The following IPPK variants were observed in gnomAD, a reference collection of about 807,000 sequenced individuals.
The protein encoded by IPPK is IPK1 homolog.
IPPK carries 22 observed loss-of-function variants against 64.6 expected under a neutral mutation model. That is an observed-to-expected ratio of 0.34 (90% CI 0.24 to 0.49). The LOEUF is 0.49. Ranked by LOEUF, IPPK falls within the 20% of genes least tolerant of loss-of-function variation. The pLI is 0.99. For missense variants in IPPK, 532 were observed against 630.7 expected, an observed-to-expected ratio of 0.84 and a Z score of 1.68; for synonymous variants, 262 against 247.2, an observed-to-expected ratio of 1.06 and a Z score of -0.56.
chr9:92,618,460 C>A (rs781488367), intron 12 of IPPK: 13 of 456,616 alleles, frequency 2.8e-5, no homozygotes, highest in South Asian at 2.0e-4. Context: ...CCTTCAGCGG[C>A]CTTTCACAGC....
Position 92,634,495 on chromosome 9 carries a change from A to G in IPPK, c.1068-7T>C, listed in dbSNP as rs1445410582. ...ATCTATTTGTAAGGTTTTTCTGAAG[A>G]AGAAAGCACAATAAAAACAGGATGA... On this transcript the variant is annotated splice_polypyrimidine_tract_variant and splice_region_variant and intron_variant, in intron 10 of 12. Coordinates refer to ENST00000287996, the MANE Select transcript of IPPK (RefSeq NM_022755.6). 9 of 1,600,214 alleles carry G rather than the reference A, an allele frequency of 5.6e-6. No homozygotes were observed. In the Middle Eastern group the frequency reaches 8.3e-4, roughly 147 times the overall value.
chr9:92,648,894 G>A (rs1393139750), intron 5 of IPPK, among the ~76,000 whole-genome samples: 2 of 152,242 alleles, frequency 1.3e-5, no homozygotes, highest in African/African-American at 4.8e-5. Context: ...TGGCACCAGA[G>A]AAATTCAGGA....
chr9:92,619,297 T>C (rs984563389), intron 12 of IPPK, 189 bp downstream of exon 12: 9 of 571,552 alleles, frequency 1.6e-5, no homozygotes, highest in East Asian at 2.8e-5. Context: ...ATCTGTCTTT[T>C]GACTGAATTA....
intron 11 of IPPK, among the ~76,000 whole-genome samples, chr9:92,631,246 A>G (rs1295045449): frequency 1.4e-5 from 2 of 140,488 alleles, no homozygotes; most frequent in South Asian, 2.2e-4. Flanking sequence ...CCCAGGCTGG[A>G]GTGCAGTGGT....
intron 1 of IPPK, among the ~76,000 whole-genome samples, chr9:92,665,682 C>T (rs2131466624): frequency 6.6e-6 from 1 of 152,250 alleles, no homozygotes; most frequent in East Asian, 1.9e-4. Flanking sequence ...TAATTATAAC[C>T]ACATCATGCA....
At chr9:92,619,447 G>A (rs369108987) in intron 12 of IPPK, 39 bp downstream of exon 12, 98 of 1,512,616 alleles carry the variant, frequency 6.5e-5, no homozygotes, top group Non-Finnish European at 8.2e-5. Context: ...ATAAAACCCC[G>A]TTAGACCCAG....
intron 6 of IPPK, 113 bp downstream of exon 6, chr9:92,647,946 A>G (rs1466877424): frequency 4.5e-6 from 3 of 667,204 alleles, no homozygotes; most frequent in South Asian, 3.9e-5. Context: ...TAAAATGTCA[A>G]CTAAAAATAT....
intron 11 of IPPK, among the ~76,000 whole-genome samples, chr9:92,628,571 T>C (rs1851775705): frequency 6.6e-6 from 1 of 152,192 alleles, no homozygotes; most frequent in Admixed American, 6.6e-5. Flanking sequence ...GGGGAAAGAA[T>C]AGTCTCCTCA....
chr9:92,636,443 C>T (rs553978311), intron 9 of IPPK, among the ~76,000 whole-genome samples: 1 of 152,016 alleles, frequency 6.6e-6, no homozygotes, highest in Non-Finnish European at 1.5e-5. Context: ...TCAAGACCAG[C>T]CCGGACAACA....
At chr9:92,667,216 T>C (rs1471241399) in intron 1 of IPPK, among the ~76,000 whole-genome samples, 1 of 152,160 alleles carries the variant, frequency 6.6e-6, no homozygotes, top group Non-Finnish European at 1.5e-5. Flanking sequence ...ATGAGGTGGA[T>C]CTAAGGAGTA....
chr9:92,664,855 T>C (rs1183528519), intron 1 of IPPK, among the ~76,000 whole-genome samples: 1 of 152,216 alleles, frequency 6.6e-6, no homozygotes, highest in Non-Finnish European at 1.5e-5. Context: ...TGGGGAGCTT[T>C]GCTCTGACTG....
At chr9:92,663,343 C>T (rs932204150) in intron 1 of IPPK, among the ~76,000 whole-genome samples, 14 of 152,194 alleles carry the variant, frequency 9.2e-5, no homozygotes, top group Admixed American at 3.3e-4. Context: ...CCATAGGCTG[C>T]CCCACACAGC....
intron 6 of IPPK, among the ~76,000 whole-genome samples, chr9:92,645,144 AT>A (rs1276321657): frequency 6.6e-6 from 1 of 152,074 alleles, no homozygotes; most frequent in African/African-American, 2.4e-5. Flanking sequence ...TAATCCCAGC[AT>A]TTTGGGAGGC....
intron 6 of IPPK, among the ~76,000 whole-genome samples, chr9:92,646,794 A>T (rs763414708): frequency 2.0e-5 from 3 of 152,152 alleles, no homozygotes; most frequent in Non-Finnish European, 4.4e-5. Flanking sequence ...CGTCTCTACT[A>T]AAAATACAAA....
chr9:92,645,540 T>C lies in IPPK; in HGVS notation c.504+2519A>G, dbSNP rs533874365. ...GGATAAAGACCAAGAGATCTACACC[T>C]AGACACACCATAATCAAACTGTCAC... On this transcript the variant is annotated intron_variant, in intron 6 of 12. Transcript: ENST00000287996. 3.3e-5 allele frequency among the ~76,000 whole-genome samples: 5 copies of C among 152,266 alleles called. No individual in the cohort carries two copies. The South Asian group carries it at 1.0e-3, about 32-fold the overall frequency.
chr9:92,642,927 C>A, intron 6 of IPPK, 117 bp from the exon 7 acceptor site: 4 of 868,890 alleles, frequency 4.6e-6, no homozygotes, highest in Non-Finnish European at 5.8e-6. Flanking sequence ...TGCAGCCTTG[C>A]CCCGGAAAAG....
Position 92,618,573 on chromosome 9 carries a change from G to A in IPPK, c.1250+913C>T, listed in dbSNP as rs532632490. ...GTATCTTCGTGGGTTTTCTCTCATC[G>A]AACACCACCAGCTTAATCCAGTTAA... On this transcript the variant is annotated intron_variant, in intron 12 of 12. Coordinates refer to ENST00000287996, the MANE Select transcript of IPPK (RefSeq NM_022755.6). 1.9e-3 allele frequency: 852 copies of A among 456,668 alleles called. 15 individuals carry two copies. Among genetic ancestry groups the A allele is most frequent in the South Asian group, 0.013 (829 of 64,564 alleles). 28.3% of individuals were successfully genotyped at this position (456,668 alleles called of 1,614,324 possible).
At chr9:92,649,643 C>G (rs965092232) in intron 4 of IPPK, 69 bp from the exon 5 acceptor site, 8 of 1,578,076 alleles carry the variant, frequency 5.1e-6, no homozygotes, top group South Asian at 1.1e-5. Context: ...CTGCCCAAAA[C>G]AGGCCCCGCC....
chr9:92,613,798 G>A lies in IPPK; in HGVS notation c.*2034C>T, dbSNP rs1270860748. On this transcript the variant is annotated 3_prime_UTR_variant, in exon 13 of 13. Transcript: ENST00000287996. ...GGAATGAGGTCCTTTATGAAAGAAA[G>A]ACCCCCCTGCATAGCCTAAGTGCTA... 1 of 153,706 alleles carries A rather than the reference G, an allele frequency of 6.5e-6. No individual in the cohort carries two copies. The highest frequency in any genetic ancestry group is 1.4e-5 in the Non-Finnish European group (1 of 69,024). The allele number at this position is 153,706 out of a possible 1,614,324, so 9.5% of individuals were successfully genotyped here.
Sources: allele counts gnomAD v4.1 joint callset (sites outside exome capture counted in the v4.1 genomes callset), GRCh38; gene constraint gnomAD v4.1.1; transcripts MANE v1.5; gene names NCBI Gene and HGNC (gene_info 2026-07-23, HGNC 2026-07-21).